ZNF487: variants seen among roughly 807,000 people sequenced by gnomAD.
The protein encoded by ZNF487 is zinc finger protein 487, also known as KRAB domain only 1.
A neutral mutation model predicts 3.0 loss-of-function variants in ZNF487; 4 were observed. The observed-to-expected ratio is 1.35, with a 90% CI of 0.66 to 3.08. The LOEUF (loss-of-function observed/expected upper bound fraction) is 3.08. Among genes scored for constraint, ZNF487 ranks in the 30% most tolerant of loss-of-function variants. ZNF487 has a pLI of 0.01. For synonymous variants in ZNF487, 55 were observed against 34.6 expected (o/e 1.59, Z -2.06); for missense variants, 146 against 98.7 (o/e 1.48, Z -2.03).
chr10:43,521,732 A>G, the ZNF487 span, among the ~76,000 whole-genome samples: 2 of 152,230 alleles, frequency 1.3e-5, no homozygotes, highest in African/African-American at 4.8e-5. Flanking sequence ...TATGAAGATC[A>G]GTAAAGATTC....
In ZNF487 at chr10:43,441,034, A is replaced by ATTTTTTTTTTTTTTTTTTTTTTTTTTT. The variant is rs763451709; in HGVS notation, c.-94+3780_-94+3806dup. The stretch of plus-strand genomic sequence containing the variant: ...GGTAAATGCTACCACACCTGGTTAA[A>ATTTTTTTTTTTTTTTTTTTTTTTTTTT]TTTTTTTTTTTTTTTTTTTTTTTTT... On this transcript the variant is annotated intron_variant, in intron 1 of 3. Transcript: ENST00000437590. Among the ~76,000 whole-genome samples, 2 of 44,544 alleles carry ATTTTTTTTTTTTTTTTTTTTTTTTTTT rather than the reference A, an allele frequency of 4.5e-5. 1 individual carries two copies. Among genetic ancestry groups the ATTTTTTTTTTTTTTTTTTTTTTTTTTT allele is most frequent in the African/African-American group, 2.1e-4 (2 of 9,414 alleles). 29.2% of individuals were successfully genotyped at this position (44,544 alleles called of 152,430 possible).
chr10:43,480,410 T>A (rs1163599427), intron 3 of ZNF487, among the ~76,000 whole-genome samples: 2 of 146,280 alleles, frequency 1.4e-5, no homozygotes, highest in South Asian at 2.2e-4. Flanking sequence ...CTGGCCACTT[T>A]TTATTATTAT....
In ZNF487 at chr10:43,474,733, C is replaced by T. The variant is rs1472318315; in HGVS notation, c.-93-988C>T. ...CAGTAGCCGGAATTACAGGTGCGCA[C>T]CACCAAGCTTGACTAATTTTTGTAT... On this transcript the variant is annotated intron_variant, in intron 1 of 3. Coordinates refer to ENST00000437590, the MANE Select transcript of ZNF487 (RefSeq NM_001355444.3). Among the ~76,000 whole-genome samples, 3 of 151,912 alleles carry T rather than the reference C, an allele frequency of 2.0e-5. No homozygotes were observed. In the East Asian group the frequency reaches 5.9e-4, roughly 30 times the overall value.
At chr10:43,499,211 T>C in the ZNF487 span, among the ~76,000 whole-genome samples, 83 of 152,138 alleles carry the variant, frequency 5.5e-4, no homozygotes, top group Non-Finnish European at 1.1e-3. Context: ...AAACCAACCA[T>C]TGTAAACAAA....
the ZNF487 span, among the ~76,000 whole-genome samples, chr10:43,495,435 G>A: frequency 6.6e-6 from 1 of 151,966 alleles, no homozygotes; most frequent in Admixed American, 6.6e-5. Flanking sequence ...GTAGAGATGG[G>A]GTTTCACCAT....
intron 1 of ZNF487, among the ~76,000 whole-genome samples, chr10:43,467,735 T>G (rs1840758842): frequency 6.6e-6 from 1 of 151,116 alleles, no homozygotes; most frequent in Admixed American, 6.6e-5. Flanking sequence ...GAGAATCGCT[T>G]GAACCTGGGA....
chr10:43,455,691 A>G (rs1028989754), intron 1 of ZNF487, among the ~76,000 whole-genome samples: 3 of 152,192 alleles, frequency 2.0e-5, no homozygotes, highest in African/African-American at 7.2e-5. Flanking sequence ...CGAGAGTGGC[A>G]GGGCTGGGCG....
the ZNF487 span, among the ~76,000 whole-genome samples, chr10:43,488,896 C>T: frequency 1.3e-5 from 2 of 151,702 alleles, no homozygotes; most frequent in African/African-American, 2.4e-5. Context: ...GTGAGAGGAT[C>T]GCTTGAGGCC....
the ZNF487 span, among the ~76,000 whole-genome samples, chr10:43,500,548 C>T: frequency 6.6e-6 from 1 of 152,154 alleles, no homozygotes; most frequent in Non-Finnish European, 1.5e-5. Flanking sequence ...GTCACCGAGG[C>T]TGGAGTGCAG....
the ZNF487 span, among the ~76,000 whole-genome samples, chr10:43,498,557 C>T: frequency 6.6e-6 from 1 of 151,026 alleles, no homozygotes; most frequent in South Asian, 2.1e-4. Context: ...GGAATACATG[C>T]GTGAGCCACC....
chr10:43,503,469 T>C, the ZNF487 span, among the ~76,000 whole-genome samples: 1 of 152,158 alleles, frequency 6.6e-6, no homozygotes, highest in African/African-American at 2.4e-5. Context: ...GTGTACAATG[T>C]TTATAAAGTC....
chr10:43,501,006 T>C, the ZNF487 span, among the ~76,000 whole-genome samples: 1 of 152,342 alleles, frequency 6.6e-6, no homozygotes, highest in Middle Eastern at 3.4e-3. Context: ...TTCATTGCTG[T>C]GCAAACATCA....
chr10:43,450,294 C>T (rs1239825901), intron 1 of ZNF487, among the ~76,000 whole-genome samples: 3 of 152,100 alleles, frequency 2.0e-5, no homozygotes, highest in African/African-American at 2.4e-5. Context: ...GTGATCCATC[C>T]GACTTGGCCT....
At chr10:43,508,910 G>C in the ZNF487 span, among the ~76,000 whole-genome samples, 1 of 151,700 alleles carries the variant, frequency 6.6e-6, no homozygotes, top group Non-Finnish European at 1.5e-5. Context: ...TTAAAACAGG[G>C]CCTTCAAGAA....
At chr10:43,523,438 T>A in the ZNF487 span, 1 of 152,226 alleles carries the variant, frequency 6.6e-6, no homozygotes, top group East Asian at 1.9e-4. Context: ...TGAACGTGAA[T>A]TATATTTCAG....
chr10:43,510,882 G>A, the ZNF487 span, among the ~76,000 whole-genome samples: 1 of 152,204 alleles, frequency 6.6e-6, no homozygotes, highest in Non-Finnish European at 1.5e-5. Flanking sequence ...CTTAAAGGTA[G>A]AAGAAGCCCA....
chr10:43,511,213 T>C, the ZNF487 span, among the ~76,000 whole-genome samples: 3 of 152,206 alleles, frequency 2.0e-5, no homozygotes, highest in African/African-American at 7.2e-5. Flanking sequence ...TGGTGTTATA[T>C]TTGTGACTTC....
At chr10:43,499,401 A>G in the ZNF487 span, among the ~76,000 whole-genome samples, 3 of 152,112 alleles carry the variant, frequency 2.0e-5, no homozygotes, top group Non-Finnish European at 4.4e-5. Flanking sequence ...TTGGATTTTG[A>G]GGGTTTTTTT....
chr10:43,509,475 A>ATATC, the ZNF487 span, among the ~76,000 whole-genome samples: 2 of 149,118 alleles, frequency 1.3e-5, no homozygotes, highest in South Asian at 2.1e-4. Context: ...ATATATATAT[A>ATATC]TATATATCAT....
Sources: gnomAD v4.1 joint callset for allele counts (sites outside exome capture counted in the v4.1 genomes callset) on GRCh38, gnomAD v4.1.1 for gene constraint, MANE v1.5 for transcripts, NCBI Gene and HGNC (gene_info 2026-07-23, HGNC 2026-07-21) for gene names.